IGSF11: variants seen among roughly 807,000 people sequenced by gnomAD.
IGSF11 encodes the protein immunoglobulin superfamily member 11.
IGSF11 carries 22 observed loss-of-function variants against 41.0 expected under a neutral mutation model. The observed-to-expected ratio is 0.54, with a 90% CI of 0.38 to 0.77. The LOEUF (loss-of-function observed/expected upper bound fraction) is 0.77. Among genes scored for constraint, IGSF11 ranks in the 30% least tolerant of loss-of-function variants. IGSF11 has a pLI of 0.00. For synonymous variants in IGSF11, 219 were observed against 201.3 expected, an observed-to-expected ratio of 1.09 and a Z score of -0.74; for missense variants, 444 against 530.8, an observed-to-expected ratio of 0.84 and a Z score of 1.61.
intron 4 of IGSF11, among the ~76,000 whole-genome samples, chr3:118,907,475 G>C (rs1939754427): frequency 6.6e-6 from 1 of 152,138 alleles, no homozygotes; most frequent in Non-Finnish European, 1.5e-5. Flanking sequence ...GGAGCATACA[G>C]GAGGGACATC....
chr3:119,077,054 G>T (rs1268267772), intron 1 of IGSF11, among the ~76,000 whole-genome samples: 1 of 152,206 alleles, frequency 6.6e-6, no homozygotes. Flanking sequence ...TTAAGAAAAT[G>T]TGGCACATAT....
intron 4 of IGSF11, among the ~76,000 whole-genome samples, chr3:118,909,017 T>C (rs1939948744): frequency 6.6e-6 from 1 of 152,226 alleles, no homozygotes; most frequent in Non-Finnish European, 1.5e-5. Context: ...GAAAGGTTAG[T>C]ATAGTATATG....
intron 1 of IGSF11, among the ~76,000 whole-genome samples, chr3:119,043,075 G>A (rs772371347): frequency 7.2e-5 from 11 of 152,284 alleles, no homozygotes; most frequent in Middle Eastern, 3.4e-3. Context: ...GAAGAGAACC[G>A]TGGAACCCAG....
At chr3:118,936,368 G>A (rs1350902873) in intron 1 of IGSF11, among the ~76,000 whole-genome samples, 4 of 151,898 alleles carry the variant, frequency 2.6e-5, no homozygotes, top group South Asian at 2.1e-4. Flanking sequence ...TTAGCCAGGC[G>A]TGGTGGCAGG....
At chr3:118,971,581 C>T (rs1017294131) in intron 1 of IGSF11, among the ~76,000 whole-genome samples, 1 of 152,022 alleles carries the variant, frequency 6.6e-6, no homozygotes, top group African/African-American at 2.4e-5. Flanking sequence ...GAGGTGGGTG[C>T]ATCACGAGGT....
intron 1 of IGSF11, among the ~76,000 whole-genome samples, chr3:118,941,784 T>C (rs1442346495): frequency 6.6e-6 from 1 of 152,098 alleles, no homozygotes. Context: ...ATATTACTTA[T>C]GAACAAAAAA....
At chr3:118,955,726 C>A (rs980023170) in intron 1 of IGSF11, among the ~76,000 whole-genome samples, 5 of 152,050 alleles carry the variant, frequency 3.3e-5, no homozygotes, top group Admixed American at 3.3e-4. Flanking sequence ...ATTTACAAAG[C>A]ACAGGTAGAG....
At chr3:119,082,351 G>T (rs1441589636) in intron 1 of IGSF11, among the ~76,000 whole-genome samples, 2 of 152,108 alleles carry the variant, frequency 1.3e-5, no homozygotes, top group Non-Finnish European at 2.9e-5. Flanking sequence ...TGAGCTTCCT[G>T]GCAGGCAATG....
At chr3:118,957,699 G>A (rs1189625596) in intron 1 of IGSF11, among the ~76,000 whole-genome samples, 1 of 152,068 alleles carries the variant, frequency 6.6e-6, no homozygotes, top group Non-Finnish European at 1.5e-5. Flanking sequence ...GCAATTACTA[G>A]TCTCCACTTT....
chr3:119,133,290 G>T (rs1053681672), intron 1 of IGSF11, among the ~76,000 whole-genome samples: 7 of 152,110 alleles, frequency 4.6e-5, no homozygotes, highest in African/African-American at 1.4e-4. Context: ...CTGGTTTTTT[G>T]AAAAGATCAA....
At chr3:119,004,317 A>G (rs930591761) in intron 1 of IGSF11, among the ~76,000 whole-genome samples, 71 of 149,682 alleles carry the variant, frequency 4.7e-4, no homozygotes, top group African/African-American at 1.7e-3. Flanking sequence ...ATACCCCTTT[A>G]TCATTTTTTA....
At chr3:119,047,901 C>G (rs371366062) in intron 1 of IGSF11, among the ~76,000 whole-genome samples, 88 of 152,094 alleles carry the variant, frequency 5.8e-4, no homozygotes, top group African/African-American at 1.4e-3. Flanking sequence ...ATGACTACTG[C>G]GTACATAACG....
chr3:118,934,200 C>G (rs1943074891), intron 1 of IGSF11, among the ~76,000 whole-genome samples: 1 of 152,104 alleles, frequency 6.6e-6, no homozygotes, highest in Admixed American at 6.5e-5. Context: ...TACTTCTGCC[C>G]CAATCATTTC....
chr3:118,918,548 C>A (rs1461583950), intron 4 of IGSF11, among the ~76,000 whole-genome samples: 4 of 137,382 alleles, frequency 2.9e-5, no homozygotes, highest in Non-Finnish European at 6.1e-5. Context: ...ATCCAACTTA[C>A]AAGGGATGTG....
intron 1 of IGSF11, among the ~76,000 whole-genome samples, chr3:119,095,348 G>C (rs1258669783): frequency 6.6e-6 from 1 of 152,136 alleles, no homozygotes; most frequent in Non-Finnish European, 1.5e-5. Flanking sequence ...ATTAACAAGA[G>C]AGCTAAAATA....
At chr3:119,111,008 C>T (rs898236223) in intron 1 of IGSF11, among the ~76,000 whole-genome samples, 2 of 151,814 alleles carry the variant, frequency 1.3e-5, no homozygotes, top group African/African-American at 4.8e-5. Context: ...ACCTTTTTCT[C>T]TGGCTGCCCT....
chr3:119,019,534 T>C (rs1309991873), intron 1 of IGSF11, among the ~76,000 whole-genome samples: 3 of 151,868 alleles, frequency 2.0e-5, no homozygotes, highest in Non-Finnish European at 4.4e-5. Context: ...TTCAGATTTC[T>C]TTCCCCTTGT....
At chr3:118,922,187 TG>T (rs1941867343) in intron 4 of IGSF11, among the ~76,000 whole-genome samples, 1 of 152,154 alleles carries the variant, frequency 6.6e-6, no homozygotes, top group African/African-American at 2.4e-5. Flanking sequence ...AAACGTTAAG[TG>T]TAACTTATTT....
chr3:119,052,164 T>C (rs148843617), intron 1 of IGSF11, among the ~76,000 whole-genome samples: 61 of 151,968 alleles, frequency 4.0e-4, no homozygotes, highest in African/African-American at 1.4e-3. Context: ...CAAAAAAATG[T>C]ACAAAAGATA....
Sources: gnomAD v4.1 joint callset for allele counts (sites outside exome capture counted in the v4.1 genomes callset) on GRCh38, gnomAD v4.1.1 for gene constraint, MANE v1.5 for transcripts, NCBI Gene and HGNC (gene_info 2026-07-23, HGNC 2026-07-21) for gene names.